The following SLC41A2 variants were observed in gnomAD, a reference collection of about 807,000 sequenced individuals.
SLC41A2 encodes the protein solute carrier family 41 member 2.
Under a neutral mutation model 58.3 loss-of-function variants are expected in SLC41A2, and 32 were observed. The ratio of observed to expected loss-of-function variants is 0.55; its 90% CI spans 0.41 to 0.74. The LOEUF (loss-of-function observed/expected upper bound fraction) is 0.74. SLC41A2 is among the 30% of genes least tolerant of loss of function. The pLI is 0.00. For missense variants in SLC41A2, 514 were observed against 680.6 expected (o/e 0.76, Z 2.72); for synonymous variants, 190 against 235.0 (o/e 0.81, Z 1.75).
At chr12:104,892,735 C>CCAAG (rs1274260241) in intron 4 of SLC41A2, among the ~76,000 whole-genome samples, 1 of 151,982 alleles carries the variant, frequency 6.6e-6, no homozygotes, top group Non-Finnish European at 1.5e-5. Flanking sequence ...GCCAAAAGTG[C>CCAAG]CAAGAATATA....
chr12:104,874,680 C>G (rs1297542949), intron 6 of SLC41A2, among the ~76,000 whole-genome samples: 1 of 152,098 alleles, frequency 6.6e-6, no homozygotes, highest in Non-Finnish European at 1.5e-5. Flanking sequence ...CTTGGGTTTA[C>G]TTCTGGGCTC....
At chr12:104,921,447 T>G (rs925321721) in intron 2 of SLC41A2, among the ~76,000 whole-genome samples, 1 of 149,462 alleles carries the variant, frequency 6.7e-6, no homozygotes, top group Non-Finnish European at 1.5e-5. Context: ...GCAGAAACCA[T>G]ACAGGCCAGA....
At chr12:104,890,812 A>G (rs57988025) in intron 4 of SLC41A2, among the ~76,000 whole-genome samples, 27,026 of 152,098 alleles carry the variant, frequency 0.18, 4,215 homozygotes, top group African/African-American at 0.41. Context: ...GGTCCAGAAG[A>G]CCATTCTGTA....
intron 2 of SLC41A2, among the ~76,000 whole-genome samples, chr12:104,914,992 C>A (rs1470540031): frequency 6.6e-6 from 1 of 152,198 alleles, no homozygotes; most frequent in Non-Finnish European, 1.5e-5. Flanking sequence ...TTACCATGAT[C>A]CAGTATGTGC....
chr12:104,907,709 C>CT (rs920095199), intron 3 of SLC41A2, among the ~76,000 whole-genome samples: 11 of 152,128 alleles, frequency 7.2e-5, no homozygotes, highest in Non-Finnish European at 1.3e-4. Context: ...ATATGTAGAG[C>CT]TGTGTGCCCT....
intron 10 of SLC41A2, among the ~76,000 whole-genome samples, chr12:104,805,826 C>T (rs963540168): frequency 6.6e-6 from 1 of 151,936 alleles, no homozygotes; most frequent in Non-Finnish European, 1.5e-5. Flanking sequence ...AGTAGTAAGA[C>T]CAATAACTAG....
At chr12:104,908,838 C>CT (rs2045960454) in intron 3 of SLC41A2, among the ~76,000 whole-genome samples, 1 of 152,054 alleles carries the variant, frequency 6.6e-6, no homozygotes, top group South Asian at 2.1e-4. Context: ...GTACAGATTT[C>CT]TTTTTTCTGA....
At chr12:104,810,111 T>C (rs2041106054) in intron 10 of SLC41A2, among the ~76,000 whole-genome samples, 1 of 152,156 alleles carries the variant, frequency 6.6e-6, no homozygotes, top group South Asian at 2.1e-4. Context: ...AAGATTATCA[T>C]GTCAGCAGAC....
chr12:104,906,788 G>A (rs932851146), intron 3 of SLC41A2, among the ~76,000 whole-genome samples: 1 of 152,146 alleles, frequency 6.6e-6, no homozygotes, highest in African/African-American at 2.4e-5. Context: ...AAGCCCAGCT[G>A]TCTAGAATGC....
At chr12:104,893,193 A>C (rs2045104836) in intron 4 of SLC41A2, among the ~76,000 whole-genome samples, 1 of 152,184 alleles carries the variant, frequency 6.6e-6, no homozygotes, top group East Asian at 1.9e-4. Flanking sequence ...AACAGGCAAA[A>C]GATCTGAATA....
At chr12:104,829,500 C>G (rs2041968224) in intron 10 of SLC41A2, among the ~76,000 whole-genome samples, 1 of 152,082 alleles carries the variant, frequency 6.6e-6, no homozygotes, top group African/African-American at 2.4e-5. Context: ...TGGAGGGGAA[C>G]TGACTGCAAA....
intron 4 of SLC41A2, among the ~76,000 whole-genome samples, chr12:104,892,307 A>T (rs1289119494): frequency 3.4e-5 from 4 of 119,364 alleles, no homozygotes; most frequent in African/African-American, 1.8e-4. Context: ...AAAAAAAAAT[A>T]AAATAAAATA....
chr12:104,822,408 G>A lies in SLC41A2; in HGVS notation c.1537-17071C>T, dbSNP rs140634005. On this transcript the variant is annotated intron_variant, in intron 10 of 10. Transcript: ENST00000258538. ...CATTTCACTGGAAAAAGGCATATTC[G>A]CTTACTTAAAACTGTTTATTGAGTG... Among the ~76,000 whole-genome samples, 13 of 152,144 alleles carry A rather than the reference G, an allele frequency of 8.5e-5. No individual in the cohort carries two copies. In the East Asian group the frequency reaches 1.5e-3, roughly 18 times the overall value.
chr12:104,866,607 GAGAC>G, intron 6 of SLC41A2, 28 bp from the exon 7 acceptor site: 1 of 1,381,602 alleles, frequency 7.2e-7, no homozygotes, highest in Non-Finnish European at 9.9e-7. Context: ...AAAAAAAAGA[GAGAC>G]AACATTTAAA....
At chr12:104,939,634 A>G (rs1444695409) in intron 1 of SLC41A2, among the ~76,000 whole-genome samples, 2 of 152,268 alleles carry the variant, frequency 1.3e-5, no homozygotes, top group African/African-American at 4.8e-5. Context: ...CAAAAGTTAA[A>G]TAACAATGCT....
rs2040731879 is a variant in SLC41A2 at position 104,802,349 on chromosome 12, G to C, written c.*2803C>G. ...TACTTAAGACTGATAATAGATTATT[G>C]TTGTGGGTAAATGAGTCATTTTATC... On this transcript the variant is annotated 3_prime_UTR_variant, in exon 11 of 11. Coordinates refer to ENST00000258538, the MANE Select transcript of SLC41A2 (RefSeq NM_001352171.3). Among the ~76,000 whole-genome samples, 1 of 152,194 alleles carries C rather than the reference G, an allele frequency of 6.6e-6. No individual in the cohort carries two copies. The highest frequency in any genetic ancestry group is 2.1e-4 in the South Asian group (1 of 4,832).
At chr12:104,856,523 G>C (rs1037758437) in intron 8 of SLC41A2, among the ~76,000 whole-genome samples, 1 of 152,086 alleles carries the variant, frequency 6.6e-6, no homozygotes, top group African/African-American at 2.4e-5. Flanking sequence ...AGCTTGAGAA[G>C]GCAGAGCACT....
chr12:104,902,841 A>G (rs978722806), intron 3 of SLC41A2, among the ~76,000 whole-genome samples: 11 of 152,210 alleles, frequency 7.2e-5, no homozygotes, highest in African/African-American at 1.2e-4. Flanking sequence ...AACAGCCCGT[A>G]GAGTATCAGA....
chr12:104,810,743 T>C (rs1444661910), intron 10 of SLC41A2, among the ~76,000 whole-genome samples: 1 of 152,164 alleles, frequency 6.6e-6, no homozygotes, highest in African/African-American at 2.4e-5. Context: ...GTTAAGTGGC[T>C]ATGTAGTTGT....
Sources: allele counts gnomAD v4.1 joint callset (sites outside exome capture counted in the v4.1 genomes callset), GRCh38; gene constraint gnomAD v4.1.1; transcripts MANE v1.5; gene names NCBI Gene and HGNC (gene_info 2026-07-23, HGNC 2026-07-21).